The following FNTB variants were observed in gnomAD, a reference collection of about 807,000 sequenced individuals.
FNTB encodes protein farnesyltransferase subunit beta.
FNTB carries 27 observed loss-of-function variants against 59.4 expected under a neutral mutation model. That is an observed-to-expected ratio of 0.45 (90% CI 0.34 to 0.63). The LOEUF (loss-of-function observed/expected upper bound fraction) is 0.63. FNTB is among the 20% of genes least tolerant of loss of function. The probability of loss-of-function intolerance (pLI) is 0.02; values close to 1 mark genes in which losing one functional copy is unlikely to be tolerated. For synonymous variants in FNTB, 230 were observed against 220.7 expected, an observed-to-expected ratio of 1.04 and a Z score of -0.37; for missense variants, 449 against 559.6, an observed-to-expected ratio of 0.80 and a Z score of 1.99.
chr14:65,017,396 C>T (rs1025051002), intron 4 of FNTB, among the ~76,000 whole-genome samples: 7 of 152,176 alleles, frequency 4.6e-5, no homozygotes, highest in East Asian at 3.9e-4. Flanking sequence ...TGGATCTGAA[C>T]GCTGGATGGA....
chr14:65,009,828 C>T lies in FNTB; in HGVS notation c.210-2489C>T, dbSNP rs1217421012. On this transcript the variant is annotated intron_variant, in intron 2 of 11. Transcript: ENST00000246166. The surrounding 1 kb of genome is among the most constrained non-coding windows in gnomAD (Gnocchi z 4.2). The stretch of plus-strand genomic sequence containing the variant: ...TCCCTTTGGGAAGAGTTTTCTGACC[C>T]TCCATCTCTTCCCGTGGCTGATCAC... 6.6e-6 allele frequency among the ~76,000 whole-genome samples: 1 copy of T among 152,136 alleles called. No homozygotes were observed. Among genetic ancestry groups the T allele is most frequent in the African/African-American group, 2.4e-5 (1 of 41,424 alleles).
chr14:65,001,418 C>T lies in FNTB; in HGVS notation c.145-2831C>T, dbSNP rs1274520832. On this transcript the variant is annotated intron_variant, in intron 1 of 11. Transcript: ENST00000246166. This position sits in a 1 kb window ranked among gnomAD's most constrained non-coding sequence, Gnocchi z 5.5. The stretch of plus-strand genomic sequence containing the variant: ...AGTAGGCCACACTATACAGCCTATG[C>T]GTGTGGTAGGCTATACCACCCAGGT... Among the ~76,000 whole-genome samples the T allele has an allele frequency of 1.3e-5, 2 of 152,128 alleles. No homozygotes were observed. Among genetic ancestry groups the T allele is most frequent in the African/African-American group, 2.4e-5 (1 of 41,416 alleles).
At chr14:65,003,239 G>A (rs1033339712) in intron 1 of FNTB, 1 of 151,908 alleles carries the variant, frequency 6.6e-6, no homozygotes, top group Non-Finnish European at 1.5e-5. Flanking sequence ...TATTTGTTTT[G>A]GTGTTTCAAC....
At chr14:65,049,126 A>T (rs1448956733) in intron 9 of FNTB, among the ~76,000 whole-genome samples, 1 of 27,698 alleles carries the variant, frequency 3.6e-5, no homozygotes, top group African/African-American at 2.7e-4. Flanking sequence ...GACTCCGTCT[A>T]AAAAAAAAAA....
chr14:65,056,978 G>C (rs961674647), intron 11 of FNTB, among the ~76,000 whole-genome samples: 1 of 152,202 alleles, frequency 6.6e-6, no homozygotes, highest in Non-Finnish European at 1.5e-5. Context: ...CATGCAAACA[G>C]AGGAGAGCCT....
At position 65,029,242 on chromosome 14, in the gene FNTB, C is replaced by T. The variant is rs1342676384; in HGVS notation, c.605+1461C>T. ...GATTGCATCCATTTTCCTTGCTTTG[C>T]CTGGTTTCTAGTACCCCGATTCCAT... On this transcript the variant is annotated intron_variant, in intron 6 of 11. Coordinates refer to ENST00000246166, the MANE Select transcript of FNTB (RefSeq NM_002028.4). The surrounding 1 kb of genome is among the most constrained non-coding windows in gnomAD (Gnocchi z 4.7). Among the ~76,000 whole-genome samples, 1 of 152,128 alleles carries T rather than the reference C, an allele frequency of 6.6e-6. No individual in the cohort carries two copies. Among genetic ancestry groups the T allele is most frequent in the East Asian group, 1.9e-4 (1 of 5,194 alleles).
At chr14:65,035,041 G>T (rs981118395) in intron 7 of FNTB, among the ~76,000 whole-genome samples, 1 of 152,222 alleles carries the variant, frequency 6.6e-6, no homozygotes, top group Non-Finnish European at 1.5e-5. Context: ...TCCCCAGCAC[G>T]TATGTGGAAA....
chr14:65,032,538 GC>G lies in FNTB; in HGVS notation c.606-69del, dbSNP rs2062106325. 6.4e-6 allele frequency: 10 copies of G among 1,558,798 alleles called. No homozygotes were observed. Among genetic ancestry groups the G allele is most frequent in the Non-Finnish European group, 1.7e-6 (2 of 1,149,358 alleles). ...GCTTACTAGGCAAGGCGAGCAGTCCGCCCGCGGAGTTCACTGAGCCTCATTA... is the reference window on the plus strand; with the variant it reads ...GCTTACTAGGCAAGGCGAGCAGTCCGCCGCGGAGTTCACTGAGCCTCATTA... On this transcript the variant is annotated intron_variant, in intron 6 of 11. Coordinates refer to ENST00000246166, the MANE Select transcript of FNTB (RefSeq NM_002028.4). This position sits in a 1 kb window ranked among gnomAD's most constrained non-coding sequence, Gnocchi z 5.0.
chr14:65,044,561 T>C lies in FNTB; in HGVS notation c.955+118T>C. On this transcript the variant is annotated intron_variant, in intron 9 of 11. Coordinates refer to ENST00000246166, the MANE Select transcript of FNTB (RefSeq NM_002028.4). The surrounding 1 kb of genome is among the most constrained non-coding windows in gnomAD (Gnocchi z 5.5). ...AAATGAGCTCTGTCTATCCTGGATT[T>C]TGAGTGCCCAGTGTGGAACCTCATG... is the stretch of plus-strand genomic sequence containing the variant. 6.9e-7 allele frequency: 1 copy of C among 1,446,210 alleles called. No individual in the cohort carries two copies. Among genetic ancestry groups the C allele is most frequent in the Non-Finnish European group, 9.2e-7 (1 of 1,092,780 alleles). The allele number at this position is 1,446,210 out of a possible 1,614,324, so 89.6% of individuals were successfully genotyped here. A position where few individuals can be genotyped will look rare whatever the true frequency, so the allele number is the denominator to read the frequency against.
chr14:65,049,408 TG>T (rs1176896088), intron 9 of FNTB, among the ~76,000 whole-genome samples: 3 of 152,200 alleles, frequency 2.0e-5, no homozygotes, highest in African/African-American at 7.2e-5. Flanking sequence ...GAGATTAGAA[TG>T]GCGACCTATA....
chr14:65,005,905 C>T (rs113523973), intron 2 of FNTB, among the ~76,000 whole-genome samples: 2,985 of 152,264 alleles, frequency 0.02, 63 homozygotes, highest in African/African-American at 0.047. Flanking sequence ...GCTGAGATTA[C>T]AGCTGTGAGC....
rs145098677 is a variant in FNTB at position 65,038,359 on chromosome 14, G to A, written c.693-2431G>A. On this transcript the variant is annotated intron_variant, in intron 7 of 11. Coordinates refer to ENST00000246166, the MANE Select transcript of FNTB (RefSeq NM_002028.4). The stretch of plus-strand genomic sequence containing the variant: ...CAGGAGGCAGAGGTTGCAGTGAGCC[G>A]AGATCGCACCATTGCACTCCAGCCC... Among the ~76,000 whole-genome samples, 23 of 147,392 alleles carry A rather than the reference G, an allele frequency of 1.6e-4. No individual in the cohort carries two copies. The East Asian group carries it at 3.8e-3, about 24-fold the overall frequency.
intron 11 of FNTB, among the ~76,000 whole-genome samples, chr14:65,056,599 T>G (rs1280622436): frequency 6.6e-6 from 1 of 152,216 alleles, no homozygotes; most frequent in African/African-American, 2.4e-5. Context: ...TATTTTCAAA[T>G]GTTTGTTGGC....
At position 65,061,593 on chromosome 14, in the gene FNTB, C is replaced by T. The variant is rs2062866419; in HGVS notation, c.*281C>T. On this transcript the variant is annotated 3_prime_UTR_variant, in exon 12 of 12. Transcript: ENST00000246166. ...GCCAGGAGGAAGCAGTCCCTCCTCACCAGCTCTCCAGCCAGGACGATCACA... is the reference window on the plus strand; with the variant it reads ...GCCAGGAGGAAGCAGTCCCTCCTCATCAGCTCTCCAGCCAGGACGATCACA... The T allele has an allele frequency of 2.9e-6, 1 of 339,924 alleles. No homozygotes were observed. Among genetic ancestry groups the T allele is most frequent in the East Asian group, 5.4e-5 (1 of 18,352 alleles). 21.1% of individuals were successfully genotyped at this position (339,924 alleles called of 1,614,324 possible). A position where few individuals can be genotyped will look rare whatever the true frequency, so the allele number is the denominator to read the frequency against.
At chr14:65,057,081 C>T (rs2062752457) in intron 11 of FNTB, among the ~76,000 whole-genome samples, 1 of 152,174 alleles carries the variant, frequency 6.6e-6, no homozygotes, top group African/African-American at 2.4e-5. Context: ...AGAGTGAGAG[C>T]TCACGCACTA....
At chr14:65,019,008 T>C (rs2061834944) in intron 4 of FNTB, among the ~76,000 whole-genome samples, 1 of 151,738 alleles carries the variant, frequency 6.6e-6, no homozygotes, top group Admixed American at 6.6e-5. Context: ...CAGGAGGCTG[T>C]TTGTTTGTTT....
In FNTB at chr14:64,991,426, A is replaced by T. The variant is rs1888193143; in HGVS notation, c.144+4329A>T. The stretch of plus-strand genomic sequence containing the variant: ...AGACCAGCCTAGCCAACATGGTGAA[A>T]CCTCATCTCTACTAAAAAAATACAA... On this transcript the variant is annotated intron_variant, in intron 1 of 11. Coordinates refer to ENST00000246166, the MANE Select transcript of FNTB (RefSeq NM_002028.4). The surrounding 1 kb of genome is among the most constrained non-coding windows in gnomAD (Gnocchi z 4.4). 6.6e-6 allele frequency among the ~76,000 whole-genome samples: 1 copy of T among 152,078 alleles called. No homozygotes were observed. The highest frequency in any genetic ancestry group is 1.5e-5 in the Non-Finnish European group (1 of 68,006).
At chr14:65,046,556 A>G (rs984406988) in intron 9 of FNTB, among the ~76,000 whole-genome samples, 2 of 152,168 alleles carry the variant, frequency 1.3e-5, no homozygotes, top group African/African-American at 2.4e-5. Context: ...AAGGGTGCCT[A>G]TGAATCTTGG....
intron 9 of FNTB, among the ~76,000 whole-genome samples, chr14:65,048,425 AG>A (rs982707716): frequency 5.3e-5 from 8 of 152,344 alleles, no homozygotes; most frequent in African/African-American, 1.9e-4. Flanking sequence ...AAAAGCAAAA[AG>A]AATGCTCTAC....
Sources: allele counts gnomAD v4.1 joint callset (sites outside exome capture counted in the v4.1 genomes callset), GRCh38; gene constraint gnomAD v4.1.1; non-coding constraint Gnocchi (gnomAD v3.1); transcripts MANE v1.5; gene names NCBI Gene and HGNC (gene_info 2026-07-23, HGNC 2026-07-21).